SPN: variants seen among roughly 807,000 people sequenced by gnomAD.
SPN encodes sialophorin, also known as leukosialin.
A neutral mutation model predicts 8.4 loss-of-function variants in SPN; 6 were observed. The ratio of observed to expected loss-of-function variants is 0.72; its 90% confidence interval spans 0.39 to 1.42. SPN has a LOEUF of 1.42. SPN is among the 40% of genes most tolerant of loss of function. SPN has a pLI of 0.02. For synonymous variants in SPN, 201 were observed against 222.6 expected, an observed-to-expected ratio of 0.90 and a Z score of 0.86; for missense variants, 517 against 530.6, an observed-to-expected ratio of 0.97 and a Z score of 0.25.
In SPN at chr16:29,667,753, G is replaced by C. The variant is rs1455278911; in HGVS notation, c.*2822G>C. On this transcript the variant is annotated 3_prime_UTR_variant, in exon 2 of 2. Coordinates refer to ENST00000652691, the MANE Select transcript of SPN (RefSeq NM_003123.6). ...ATCATGCCACTGTACTCCAGGCTGGGTGACAAAGTGAGACTGTCTCAAAAA... is the reference window on the plus strand; with the variant it reads ...ATCATGCCACTGTACTCCAGGCTGGCTGACAAAGTGAGACTGTCTCAAAAA... 6.6e-6 allele frequency: 1 copy of C among 152,306 alleles called. No homozygotes were observed. Among genetic ancestry groups the C allele is most frequent in the Non-Finnish European group, 1.5e-5 (1 of 68,034 alleles). The allele number at this position is 152,306 out of a possible 1,614,324, so 9.4% of individuals were successfully genotyped here.
rs1966816027 is a variant in SPN, at chr16:29,666,550, A to ACACACACACACACG, written c.*1622_*1623insACACACACACGCAC. 7.1e-6 allele frequency: 1 copy of ACACACACACACACG among 140,496 alleles called. No homozygotes were observed. The highest frequency in any genetic ancestry group is 3.0e-5 in the African/African-American group (1 of 33,774). 8.7% of individuals were successfully genotyped at this position (140,496 alleles called of 1,614,324 possible). ...CACACACACACACACACACACACACACACGCGCGCGCGCGCGCGCTCTCCT... is the reference window on the plus strand; with the variant it reads ...CACACACACACACACACACACACACACACACACACACACGCACGCGCGCGCGCGCGCGCTCTCCT... On this transcript the variant is annotated 3_prime_UTR_variant, in exon 2 of 2. Transcript: ENST00000652691.
Position 29,666,620 on chromosome 16 carries a change from C to G in SPN, c.*1689C>G, listed in dbSNP as rs1300349286. On this transcript the variant is annotated 3_prime_UTR_variant, in exon 2 of 2. Coordinates refer to ENST00000652691, the MANE Select transcript of SPN (RefSeq NM_003123.6). ...GAGGGGTTTGCCCTGGTCTCGGGGACTGGTCTGGCTGGCGCTTCCCCACTG... is the reference window on the plus strand; with the variant it reads ...GAGGGGTTTGCCCTGGTCTCGGGGAGTGGTCTGGCTGGCGCTTCCCCACTG... 3.6e-6 allele frequency: 1 copy of G among 275,612 alleles called. No individual in the cohort carries two copies. The highest frequency in any genetic ancestry group is 4.6e-5 in the Admixed American group (1 of 21,904). 17.1% of individuals were successfully genotyped at this position (275,612 alleles called of 1,614,324 possible). A position where few individuals can be genotyped will look rare whatever the true frequency, so the allele number is the denominator to read the frequency against.
In SPN at chr16:29,664,996, C is replaced by CATCCCACT; in HGVS notation, c.*66_*73dup. Reference sequence around the variant, plus strand: ...CAGCCTCCAGCACCTTCCCTCTCACCATCCCACTGCCCCCTCGCTCCCATG... The same window carrying CATCCCACT: ...CAGCCTCCAGCACCTTCCCTCTCACCATCCCACTATCCCACTGCCCCCTCGCTCCCATG... On this transcript the variant is annotated 3_prime_UTR_variant, in exon 2 of 2. Transcript: ENST00000652691. This position sits in a 1 kb window ranked among gnomAD's most constrained non-coding sequence, Gnocchi z 6.4. 7.7e-7 allele frequency: 1 copy of CATCCCACT among 1,298,266 alleles called. No homozygotes were observed. Among genetic ancestry groups the CATCCCACT allele is most frequent in the Non-Finnish European group, 9.8e-7 (1 of 1,017,682 alleles). 80.4% of individuals were successfully genotyped at this position (1,298,266 alleles called of 1,614,324 possible). A position where few individuals can be genotyped will look rare whatever the true frequency, so the allele number is the denominator to read the frequency against.
Position 29,666,550 on chromosome 16 carries a change from A to AAACG in SPN, c.*1619_*1620insAACG, listed in dbSNP as rs1555490166. ...CACACACACACACACACACACACAC[A>AAACG]CACGCGCGCGCGCGCGCGCTCTCCT... is the stretch of plus-strand genomic sequence containing the variant. On this transcript the variant is annotated 3_prime_UTR_variant, in exon 2 of 2. Transcript: ENST00000652691. 7.1e-6 allele frequency: 1 copy of AAACG among 140,496 alleles called. No homozygotes were observed. Among genetic ancestry groups the AAACG allele is most frequent in the Non-Finnish European group, 1.6e-5 (1 of 60,938 alleles). The allele number at this position is 140,496 out of a possible 1,614,324, so 8.7% of individuals were successfully genotyped here.
chr16:29,666,723 C>T lies in SPN; in HGVS notation c.*1792C>T, dbSNP rs1169358980. ...GCCCCTTCCATCCTCCAAGAGGAACCAGTGAGAGTGAGTGAAGGAGGGGCC... is the reference window on the plus strand; with the variant it reads ...GCCCCTTCCATCCTCCAAGAGGAACTAGTGAGAGTGAGTGAAGGAGGGGCC... On this transcript the variant is annotated 3_prime_UTR_variant, in exon 2 of 2. Coordinates refer to ENST00000652691, the MANE Select transcript of SPN (RefSeq NM_003123.6). 2.7e-6 allele frequency: 1 copy of T among 373,120 alleles called. No individual in the cohort carries two copies. Among genetic ancestry groups the T allele is most frequent in the Non-Finnish European group, 5.6e-6 (1 of 179,754 alleles). 23.1% of individuals were successfully genotyped at this position (373,120 alleles called of 1,614,324 possible). A position where few individuals can be genotyped will look rare whatever the true frequency, so the allele number is the denominator to read the frequency against.
rs1242851295 is a variant in SPN at position 29,669,887 on chromosome 16, A to AG, written c.*4956_*4957insG. 1.2e-5 allele frequency: 2 copies of AG among 162,302 alleles called. No homozygotes were observed. Among genetic ancestry groups the AG allele is most frequent in the Admixed American group, 1.4e-4 (2 of 14,660 alleles). The allele number at this position is 162,302 out of a possible 1,614,324, so 10.1% of individuals were successfully genotyped here. The stretch of plus-strand genomic sequence containing the variant: ...AAAAAACTCCATCTCAAAAAAAAAA[A>AG]AGGAGATAGAGCAAGGAACAGTAAG... On this transcript the variant is annotated 3_prime_UTR_variant, in exon 2 of 2. Transcript: ENST00000652691.
At position 29,670,386 on chromosome 16, in the gene SPN, G is replaced by A. The variant is rs62059023; in HGVS notation, c.*5455G>A. On this transcript the variant is annotated 3_prime_UTR_variant, in exon 2 of 2. Coordinates refer to ENST00000652691, the MANE Select transcript of SPN (RefSeq NM_003123.6). ...CCCCCGTAATCCCAGCTACTTGGGG[G>A]TCTGAGGCAGAAGAATTGCTTGAAA... 0.34 allele frequency: 53,831 copies of A among 158,118 alleles called. 9,964 individuals carry two copies. The highest frequency in any genetic ancestry group is 0.51 in the Middle Eastern group (152 of 300). 9.8% of individuals were successfully genotyped at this position (158,118 alleles called of 1,614,324 possible).
Position 29,664,709 on chromosome 16 carries a change from C to T in SPN, c.981C>T (p.Gly327=), listed in dbSNP as rs1966785541. The T allele has an allele frequency of 1.4e-6, 2 of 1,480,574 alleles. No individual in the cohort carries two copies. Among genetic ancestry groups the T allele is most frequent in the African/African-American group, 1.4e-5 (1 of 70,798 alleles). The allele number at this position is 1,480,574 out of a possible 1,614,324, so 91.7% of individuals were successfully genotyped here. ...VTVGGSGGDK[G]SGFPDGEGSS... ...TGGGAGGGTCCGGGGGCGACAAGGG[C>T]TCTGGGTTCCCCGATGGGGAGGGGT... The change falls in exon 2 of 2, where the codon GGC becomes GGT. Residue 327 remains glycine, a synonymous_variant. Transcript: ENST00000652691. This position sits in a 1 kb window ranked among gnomAD's most constrained non-coding sequence, Gnocchi z 6.4.
rs1392104914 is a variant in SPN, at chr16:29,669,037, A to G, written c.*4106A>G. Reference sequence around the variant, plus strand: ...GTGGTGCATGCCTGTAGTACCAGCTACTTGAGAAGCTGAGGCAGGAGGACT... The same window carrying G: ...GTGGTGCATGCCTGTAGTACCAGCTGCTTGAGAAGCTGAGGCAGGAGGACT... On this transcript the variant is annotated 3_prime_UTR_variant, in exon 2 of 2. Transcript: ENST00000652691. The G allele has an allele frequency of 3.0e-5, 5 of 166,586 alleles. No individual in the cohort carries two copies. Among genetic ancestry groups the G allele is most frequent in the African/African-American group, 7.3e-5 (3 of 41,332 alleles). The allele number at this position is 166,586 out of a possible 1,614,324, so 10.3% of individuals were successfully genotyped here.
At position 29,666,561 on chromosome 16, in the gene SPN, C is replaced by T. The variant is rs533319420; in HGVS notation, c.*1630C>T. The T allele has an allele frequency of 6.2e-5, 15 of 241,490 alleles. No individual in the cohort carries two copies. The highest frequency in any genetic ancestry group is 2.8e-4 in the African/African-American group (12 of 42,834). The allele number at this position is 241,490 out of a possible 1,614,324, so 15.0% of individuals were successfully genotyped here. A position where few individuals can be genotyped will look rare whatever the true frequency, so the allele number is the denominator to read the frequency against. On this transcript the variant is annotated 3_prime_UTR_variant, in exon 2 of 2. Coordinates refer to ENST00000652691, the MANE Select transcript of SPN (RefSeq NM_003123.6). ...ACACACACACACACACACGCGCGCG[C>T]GCGCGCGCTCTCCTGCGAACAGAGG...
In SPN at chr16:29,666,518, T is replaced by TCACA. The variant is rs1193337756; in HGVS notation, c.*1588_*1589insACAC. ...TGCATGTGCGCTCTCTCTCTCTCTC[T>TCACA]CTCTCTCACACACACACACACACAC... On this transcript the variant is annotated 3_prime_UTR_variant, in exon 2 of 2. Transcript: ENST00000652691. 12 of 139,712 alleles carry TCACA rather than the reference T, an allele frequency of 8.6e-5. No individual in the cohort carries two copies. The highest frequency in any genetic ancestry group is 7.0e-4 in the South Asian group (3 of 4,288). 8.7% of individuals were successfully genotyped at this position (139,712 alleles called of 1,614,324 possible). A position where few individuals can be genotyped will look rare whatever the true frequency, so the allele number is the denominator to read the frequency against.
chr16:29,667,240 A>G lies in SPN; in HGVS notation c.*2309A>G, dbSNP rs943974466. ...AGGCCATGTCCAAAATCCCTTAGAGACACTGTTGTCTTAGAGTTGTTAAAA... is the reference window on the plus strand; with the variant it reads ...AGGCCATGTCCAAAATCCCTTAGAGGCACTGTTGTCTTAGAGTTGTTAAAA... On this transcript the variant is annotated 3_prime_UTR_variant, in exon 2 of 2. Transcript: ENST00000652691. The G allele has an allele frequency of 2.0e-4, 68 of 342,746 alleles. No homozygotes were observed. The highest frequency in any genetic ancestry group is 1.4e-3 in the African/African-American group (63 of 46,528). The allele number at this position is 342,746 out of a possible 1,614,324, so 21.2% of individuals were successfully genotyped here.
rs1966840076 is a variant in SPN, at chr16:29,668,475, C to G, written c.*3544C>G. Reference sequence around the variant, plus strand: ...GGAGATGACGCCTCAGAGATTCTTTCTTTTGAGATGAGGTCTCATTCTGTC... The same window carrying G: ...GGAGATGACGCCTCAGAGATTCTTTGTTTTGAGATGAGGTCTCATTCTGTC... On this transcript the variant is annotated 3_prime_UTR_variant, in exon 2 of 2. Transcript: ENST00000652691. 1 of 152,120 alleles carries G rather than the reference C, an allele frequency of 6.6e-6. No homozygotes were observed. The highest frequency in any genetic ancestry group is 2.4e-5 in the African/African-American group (1 of 41,402). The allele number at this position is 152,120 out of a possible 1,614,324, so 9.4% of individuals were successfully genotyped here.
In SPN at chr16:29,664,528, T is replaced by C; in HGVS notation, c.800T>C (p.Val267Ala). Residue 267 changes from valine (V) to alanine (A), a missense_variant, in exon 2 of 2, where the codon GTC becomes GCC. Transcript: ENST00000652691. This position sits in a 1 kb window ranked among gnomAD's most constrained non-coding sequence, Gnocchi z 6.4. ...GCTGTGCTTGTGGCCCTGCTGGCGGTCATAGTCCTCGTGGCTCTGCTCCTG... is the reference window on the plus strand; with the variant it reads ...GCTGTGCTTGTGGCCCTGCTGGCGGCCATAGTCCTCGTGGCTCTGCTCCTG... ...PVAVLVALLA[V>A]IVLVALLLLW... The C allele has an allele frequency of 6.2e-7, 1 of 1,613,876 alleles. No homozygotes were observed.
In SPN at chr16:29,666,544, A is replaced by ACGCGCG. The variant is rs1172354435; in HGVS notation, c.*1614_*1615insGCGCGC. 1.5e-5 allele frequency: 3 copies of ACGCGCG among 197,902 alleles called. No individual in the cohort carries two copies. Among genetic ancestry groups the ACGCGCG allele is most frequent in the Non-Finnish European group, 3.2e-5 (3 of 93,240 alleles). 12.3% of individuals were successfully genotyped at this position (197,902 alleles called of 1,614,324 possible). On this transcript the variant is annotated 3_prime_UTR_variant, in exon 2 of 2. Coordinates refer to ENST00000652691, the MANE Select transcript of SPN (RefSeq NM_003123.6). ...CTCTCTCACACACACACACACACAC[A>ACGCGCG]CACACACACGCGCGCGCGCGCGCGC...
Position 29,664,899 on chromosome 16 carries a change from G to A in SPN, c.1171G>A (p.Glu391Lys). The A allele has an allele frequency of 1.4e-6, 2 of 1,441,462 alleles. No individual in the cohort carries two copies. Among genetic ancestry groups the A allele is most frequent in the Non-Finnish European group, 1.8e-6 (2 of 1,096,554 alleles). 89.3% of individuals were successfully genotyped at this position (1,441,462 alleles called of 1,614,324 possible). Residue 391 changes from glutamate to lysine, a missense_variant, in exon 2 of 2, where the codon GAG becomes AAG. Glu to Lys is a moderately conservative substitution (Grantham distance 56). Transcript: ENST00000652691. The surrounding 1 kb of genome is among the most constrained non-coding windows in gnomAD (Gnocchi z 6.4). The part of the protein sequence containing the change: ...DGAVDAPAPD[E>K]PEGGDGAAP ...GGCTGTGGACGCCCCAGCTCCTGAT[G>A]AGCCCGAAGGGGGAGACGGGGCTGC... is the stretch of plus-strand genomic sequence containing the variant.
At position 29,663,913 on chromosome 16, in the gene SPN, C is replaced by A. The variant is rs769772599; in HGVS notation, c.185C>A (p.Thr62Asn). ...AAGGCCGACAGCACTGGGGACCAGA[C>A]CTCAGCCCTACCTCCCTCAACTTCC... The part of the protein sequence containing the change: ...DPKADSTGDQ[T>N]SALPPSTSIN... Residue 62 changes from threonine to asparagine, a missense_variant, in exon 2 of 2, where the codon ACC becomes AAC. By Grantham distance (65) the Thr-to-Asn change is moderately conservative. Transcript: ENST00000652691. The surrounding 1 kb of genome is among the most constrained non-coding windows in gnomAD (Gnocchi z 4.3). The A allele has an allele frequency of 1.9e-6, 3 of 1,614,078 alleles. No homozygotes were observed. Among genetic ancestry groups the A allele is most frequent in the South Asian group, 2.2e-5 (2 of 91,066 alleles).
chr16:29,665,029 C>A lies in SPN; in HGVS notation c.*98C>A. Reference sequence around the variant, plus strand: ...TGCCCCCTCGCTCCCATGTTTCCACCCGGCACCCTGATCCTCACCCGAATC... The same window carrying A: ...TGCCCCCTCGCTCCCATGTTTCCACACGGCACCCTGATCCTCACCCGAATC... On this transcript the variant is annotated 3_prime_UTR_variant, in exon 2 of 2. Transcript: ENST00000652691. The A allele has an allele frequency of 8.1e-7, 1 of 1,227,376 alleles. No homozygotes were observed. The highest frequency in any genetic ancestry group is 3.9e-5 in the South Asian group (1 of 25,868). The allele number at this position is 1,227,376 out of a possible 1,614,324, so 76.0% of individuals were successfully genotyped here.
chr16:29,664,645 C>T lies in SPN; in HGVS notation c.917C>T (p.Pro306Leu). 2 of 1,549,034 alleles carry T rather than the reference C, an allele frequency of 1.3e-6. No individual in the cohort carries two copies. The highest frequency in any genetic ancestry group is 1.7e-6 in the Non-Finnish European group (2 of 1,150,752). The change falls in exon 2 of 2, where the codon CCA becomes CTA. Residue 306 changes from proline to leucine, a missense_variant. Transcript: ENST00000652691. The surrounding 1 kb of genome is among the most constrained non-coding windows in gnomAD (Gnocchi z 6.4). ...RNGVVDAWAG[P>L]AQVPEEGAVT... Reference sequence around the variant, plus strand: ...GGGGTGGTGGACGCCTGGGCTGGGCCAGCCCAGGTCCCTGAGGAGGGGGCC... The same window carrying T: ...GGGGTGGTGGACGCCTGGGCTGGGCTAGCCCAGGTCCCTGAGGAGGGGGCC...
Sources: gnomAD v4.1 joint callset for allele counts on GRCh38, gnomAD v4.1.1 for gene constraint, Gnocchi (gnomAD v3.1) non-coding constraint, MANE v1.5 for transcripts, NCBI Gene and HGNC (gene_info 2026-07-23, HGNC 2026-07-21) for gene names.